VWA8: variants seen among roughly 807,000 people sequenced by gnomAD.
VWA8 encodes the protein von Willebrand factor A domain-containing protein 8.
VWA8 carries 221 observed loss-of-function variants against 241.5 expected under a neutral mutation model. That is an observed-to-expected ratio of 0.91 (90% CI 0.82 to 1.02). The LOEUF is 1.02. Ranked by LOEUF, VWA8 falls within the 50% of genes least tolerant of loss-of-function variation. The pLI is 0.00. For synonymous variants in VWA8, 852 were observed against 827.1 expected, an observed-to-expected ratio of 1.03 and a Z score of -0.52; for missense variants, 2,322 against 2,328.7, an observed-to-expected ratio of 1.00 and a Z score of 0.06.
At chr13:41,904,931 C>T (rs1165816030) in intron 4 of VWA8, among the ~76,000 whole-genome samples, 3 of 152,042 alleles carry the variant, frequency 2.0e-5, no homozygotes, top group Non-Finnish European at 4.4e-5. Context: ...TTCCTGTTAC[C>T]TTTCTTACCA....
intron 19 of VWA8, among the ~76,000 whole-genome samples, chr13:41,779,926 A>G (rs1423409010): frequency 1.3e-5 from 2 of 152,124 alleles, no homozygotes; most frequent in Non-Finnish European, 2.9e-5. Context: ...CGCCAATACA[A>G]TTCTCTTCTT....
intron 18 of VWA8, among the ~76,000 whole-genome samples, chr13:41,784,727 T>TACACAC (rs1343770491): frequency 2.2e-4 from 15 of 69,034 alleles, no homozygotes; most frequent in African/African-American, 4.9e-4. Flanking sequence ...TATATATATA[T>TACACAC]ATACACACAC....
At chr13:41,832,946 C>CAA (rs34224397) in intron 13 of VWA8, among the ~76,000 whole-genome samples, 9,701 of 147,488 alleles carry the variant, frequency 0.066, 384 homozygotes, top group East Asian at 0.12. Context: ...TTCTCTCTCT[C>CAA]AAAAAAAAAA....
chr13:41,672,085 C>A (rs2045029634), intron 36 of VWA8, among the ~76,000 whole-genome samples: 2 of 152,148 alleles, frequency 1.3e-5, no homozygotes, highest in African/African-American at 2.4e-5. Context: ...CCAGTTCATA[C>A]CTCACACGCT....
chr13:41,655,489 CAGAGAGAG>C (rs34381157), intron 37 of VWA8, among the ~76,000 whole-genome samples: 314 of 148,296 alleles, frequency 2.1e-3, no homozygotes, highest in African/African-American at 6.5e-3. Flanking sequence ...TACAGAGAGA[CAGAGAGAG>C]AGAGAGAGAG....
intron 12 of VWA8, among the ~76,000 whole-genome samples, chr13:41,862,655 G>A (rs1417718655): frequency 6.6e-6 from 1 of 152,194 alleles, no homozygotes; most frequent in African/African-American, 2.4e-5. Context: ...CATACATGCA[G>A]CCAATGAATA....
chr13:41,573,510 T>TATATATATATATATATATATAC (rs2044327623), intron 43 of VWA8, among the ~76,000 whole-genome samples: 1 of 138,736 alleles, frequency 7.2e-6, no homozygotes, highest in African/African-American at 2.8e-5. Context: ...TATATATACC[T>TATATATATATATATATATATAC]CTCTCTATAT....
chr13:41,573,486 A>AAATAAATAAATAAATATATATATAT, intron 43 of VWA8, among the ~76,000 whole-genome samples: 2 of 113,612 alleles, frequency 1.8e-5, no homozygotes, highest in African/African-American at 6.9e-5. Context: ...AAAAAAAAAA[A>AAATAAATAAATAAATATATATATAT]ATATATATAT....
chr13:41,739,296 A>G (rs73183350), intron 21 of VWA8, among the ~76,000 whole-genome samples: 1,793 of 152,278 alleles, frequency 0.012, 11 homozygotes, highest in South Asian at 0.019. Context: ...GTTAAAATGA[A>G]TATTTTTCAT....
chr13:41,891,259 G>T (rs532918066), intron 5 of VWA8, among the ~76,000 whole-genome samples, 161 bp downstream of exon 5: 30 of 150,734 alleles, frequency 2.0e-4, no homozygotes, highest in Non-Finnish European at 2.5e-4. Context: ...TAAAACAGAA[G>T]AGTGTTGTAA....
At chr13:41,837,738 T>C (rs1203885435) in intron 12 of VWA8, among the ~76,000 whole-genome samples, 1 of 152,178 alleles carries the variant, frequency 6.6e-6, no homozygotes, top group African/African-American at 2.4e-5. Flanking sequence ...TTTTTAAAAG[T>C]GTGCTTATTC....
intron 40 of VWA8, among the ~76,000 whole-genome samples, chr13:41,598,914 G>C (rs915989479): frequency 7.9e-5 from 12 of 151,322 alleles, no homozygotes; most frequent in African/African-American, 2.7e-4. Flanking sequence ...ATGGTACTTA[G>C]TAAAGTCCTT....
intron 2 of VWA8, among the ~76,000 whole-genome samples, chr13:41,923,940 T>C (rs1339100468): frequency 6.6e-6 from 1 of 152,082 alleles, no homozygotes; most frequent in African/African-American, 2.4e-5. Context: ...GTGACTGCTC[T>C]ATCAAATGCA....
chr13:41,613,003 A>G (rs1300059113), intron 38 of VWA8, among the ~76,000 whole-genome samples: 3 of 152,228 alleles, frequency 2.0e-5, no homozygotes, highest in African/African-American at 4.8e-5. Context: ...TTTTACTATT[A>G]TTATTAAACA....
At chr13:41,946,745 T>G (rs1877868621) in intron 2 of VWA8, among the ~76,000 whole-genome samples, 1 of 152,144 alleles carries the variant, frequency 6.6e-6, no homozygotes, top group South Asian at 2.1e-4. Flanking sequence ...AATGGAACCT[T>G]GGGTTAGATG....
intron 21 of VWA8, among the ~76,000 whole-genome samples, chr13:41,741,465 T>C (rs2045568708): frequency 6.6e-6 from 1 of 152,236 alleles, no homozygotes; most frequent in East Asian, 1.9e-4. Flanking sequence ...AAGCATTCCT[T>C]ATTTCTCACT....
rs570461304 is a variant in VWA8 at position 41,580,611 on chromosome 13, A to G, written c.5272-4773T>C. Among the ~76,000 whole-genome samples the G allele has an allele frequency of 3.3e-5, 5 of 152,344 alleles. 1 individual carries two copies. In the South Asian group the frequency reaches 8.3e-4, roughly 25 times the overall value. ...AGGTGCCAAGGGTAGGAGAAGACAG[A>G]GTACCTTACATAAATGATACACTTG... On this transcript the variant is annotated intron_variant, in intron 42 of 44. Coordinates refer to ENST00000379310, the MANE Select transcript of VWA8 (RefSeq NM_015058.2).
At chr13:41,596,975 G>T (rs2044492918) in intron 40 of VWA8, among the ~76,000 whole-genome samples, 1 of 151,830 alleles carries the variant, frequency 6.6e-6, no homozygotes, top group Admixed American at 6.6e-5. Flanking sequence ...GATTAATCAA[G>T]ACTTTTTTTT....
At chr13:41,957,261 T>A (rs895724900) in intron 1 of VWA8, among the ~76,000 whole-genome samples, 1 of 152,078 alleles carries the variant, frequency 6.6e-6, no homozygotes, top group Admixed American at 6.6e-5. Flanking sequence ...TCTCACGAGG[T>A]CTGATGGTTC....
Sources: allele counts gnomAD v4.1 joint callset (sites outside exome capture counted in the v4.1 genomes callset), GRCh38; gene constraint gnomAD v4.1.1; transcripts MANE v1.5; gene names NCBI Gene and HGNC (gene_info 2026-07-23, HGNC 2026-07-21).